Variants in INTS1 observed in about 807,000 individuals in gnomAD.
INTS1 encodes integrator complex subunit 1.
In INTS1, 137 loss-of-function variants were observed where a neutral mutation model predicts 241.6. The observed-to-expected ratio is 0.57, with a 90% confidence interval of 0.49 to 0.65. The LOEUF (loss-of-function observed/expected upper bound fraction) is 0.65, where lower values mean the gene tolerates loss of function less well. Among genes scored for constraint, INTS1 ranks in the 30% least tolerant of loss-of-function variants. INTS1 has a pLI of 0.00. For synonymous variants in INTS1, 1,692 were observed against 1,337.8 expected, an observed-to-expected ratio of 1.26 and a Z score of -5.78; for missense variants, 3,073 against 3,032.2, an observed-to-expected ratio of 1.01 and a Z score of -0.32.
intron 29 of INTS1, 86 bp from the exon 30 acceptor site, chr7:1,480,527 GC>G: frequency 6.9e-7 from 1 of 1,439,536 alleles, no homozygotes; most frequent in Non-Finnish European, 9.4e-7. Flanking sequence ...GGCGAGTCCT[GC>G]CCGGGGACTG....
intron 14 of INTS1, 113 bp downstream of exon 14, chr7:1,494,703 G>A (rs1782758906): frequency 1.0e-6 from 1 of 1,004,658 alleles, no homozygotes; most frequent in South Asian, 1.4e-5. Context: ...ATGGTGCTGT[G>A]ACCATGGGAA....
At chr7:1,487,186 A>G in intron 20 of INTS1, 85 bp from the exon 21 acceptor site, 1 of 1,512,426 alleles carries the variant, frequency 6.6e-7, no homozygotes, top group Non-Finnish European at 8.9e-7. Context: ...GGAGCCGGAA[A>G]GGGCGACACG....
Position 1,482,537 on chromosome 7 carries a change from G to A in INTS1, c.3703+9C>T, listed in dbSNP as rs1287008406. 12 of 1,602,430 alleles carry A rather than the reference G, an allele frequency of 7.5e-6. No individual in the cohort carries two copies. Among genetic ancestry groups the A allele is most frequent in the Non-Finnish European group, 1.0e-5 (12 of 1,172,854 alleles). On this transcript the variant is annotated intron_variant, in intron 27 of 47. Coordinates refer to ENST00000404767, the MANE Select transcript of INTS1 (RefSeq NM_001080453.3). ...AGCAGCCCCTGCCCAAGCCCAGCCT[G>A]GACCGTACCGGCGTCCACCAGGCGG...
chr7:1,476,471 G>C lies in INTS1; in HGVS notation c.5152-16C>G, dbSNP rs1305303936. Reference sequence around the variant, plus strand: ...CCCGCCGCTTCTGTAACGGGTGCCTGCATCAGCCCCGGAGCACCACCGCCT... The same window carrying C: ...CCCGCCGCTTCTGTAACGGGTGCCTCCATCAGCCCCGGAGCACCACCGCCT... On this transcript the variant is annotated splice_polypyrimidine_tract_variant and intron_variant, in intron 37 of 47. Coordinates refer to ENST00000404767, the MANE Select transcript of INTS1 (RefSeq NM_001080453.3). 4 of 1,437,080 alleles carry C rather than the reference G, an allele frequency of 2.8e-6. No individual in the cohort carries two copies. The highest frequency in any genetic ancestry group is 3.3e-5 in the East Asian group (1 of 29,960). 89.0% of individuals were successfully genotyped at this position (1,437,080 alleles called of 1,614,324 possible). A position where few individuals can be genotyped will look rare whatever the true frequency, so the allele number is the denominator to read the frequency against.
At chr7:1,473,000 T>G (rs1048091304) in intron 43 of INTS1, 72 bp downstream of exon 43, 62 of 1,017,120 alleles carry the variant, frequency 6.1e-5, no homozygotes, top group Non-Finnish European at 8.4e-5. Context: ...GGGCTGGCTG[T>G]GCGCTGGGAA....
At chr7:1,487,654 C>T (rs1001111273) in intron 19 of INTS1, 106 bp downstream of exon 19, 13 of 1,419,560 alleles carry the variant, frequency 9.2e-6, no homozygotes, top group South Asian at 4.7e-5. Flanking sequence ...CAGGTTCTGC[C>T]GCAGTGCGGT....
rs930773608 is a variant in INTS1 at position 1,481,985 on chromosome 7, CA to C, written c.3704-498del. ...GCTGTGACTATCTTCTCTCAGTGCT[CA>C]GGGCGCTCTTGCCCCGAAGCCATCG... On this transcript the variant is annotated intron_variant, in intron 27 of 47. Transcript: ENST00000404767. This position sits in a 1 kb window ranked among gnomAD's most constrained non-coding sequence, Gnocchi z 6.8. Among the ~76,000 whole-genome samples, 2 of 152,174 alleles carry C rather than the reference CA, an allele frequency of 1.3e-5. No homozygotes were observed. Among genetic ancestry groups the C allele is most frequent in the African/African-American group, 4.8e-5 (2 of 41,450 alleles).
At chr7:1,476,179 C>T in intron 38 of INTS1, 50 bp downstream of exon 38, 7 of 1,531,156 alleles carry the variant, frequency 4.6e-6, no homozygotes, top group Non-Finnish European at 5.3e-6. Flanking sequence ...GCCTCGACCC[C>T]CTCCATGGCT....
Position 1,496,154 on chromosome 7 carries a change from ACTC to A in INTS1, c.1710_1711+1del. On this transcript the variant is annotated splice_donor_variant and coding_sequence_variant, in exon 12 of 48. Coordinates refer to ENST00000404767, the MANE Select transcript of INTS1 (RefSeq NM_001080453.3). LOFTEE classifies it high-confidence loss of function. ...AGGGCCAGGCCACCCCCACATCCTT[ACTC>A]CTCTTTTCTCCTTTGTCCCAGGCGA... 1 of 1,611,854 alleles carries A rather than the reference ACTC, an allele frequency of 6.2e-7. No individual in the cohort carries two copies. Among genetic ancestry groups the A allele is most frequent in the Non-Finnish European group, 8.5e-7 (1 of 1,178,558 alleles).
At position 1,500,215 on chromosome 7, in the gene INTS1, C is replaced by T; in HGVS notation, c.501G>A (p.Leu167=). 1 of 1,603,990 alleles carries T rather than the reference C, an allele frequency of 6.2e-7. No individual in the cohort carries two copies. The highest frequency in any genetic ancestry group is 1.1e-5 in the South Asian group (1 of 89,792). ...DSTLYLSLMY[L]AKIKPNIFAT... ...CGAAGATGTTGGGCTTGATCTTGGC[C>T]AGGTACATGAGGCTCAGGTAGAGGG... The change falls in exon 4 of 48, where the codon CTG becomes CTA. Residue 167 remains leucine (L), a synonymous_variant. Transcript: ENST00000404767.
At chr7:1,480,185 G>A (rs1022794595) in intron 30 of INTS1, 132 bp downstream of exon 30, 19 of 1,068,094 alleles carry the variant, frequency 1.8e-5, no homozygotes, top group Middle Eastern at 3.1e-4. Flanking sequence ...TGTAAAGGCC[G>A]CTGTGCGTGT....
chr7:1,495,215 C>T (rs1170473221), intron 13 of INTS1, among the ~76,000 whole-genome samples: 1 of 152,266 alleles, frequency 6.6e-6, no homozygotes, highest in Non-Finnish European at 1.5e-5. Flanking sequence ...CACAGGGTGA[C>T]CTGCCTGGAG....
chr7:1,489,615 C>A lies in INTS1; in HGVS notation c.2233G>T (p.Ala745Ser). The A allele has an allele frequency of 6.3e-7, 1 of 1,587,742 alleles. No homozygotes were observed. The highest frequency in any genetic ancestry group is 8.6e-7 in the Non-Finnish European group (1 of 1,165,662). ...CCGATGTTCTCTGGGTTGAATGCGG[C>A]GACGACCAGCAGGAGGGGCCAGGCC... is the stretch of plus-strand genomic sequence containing the variant. ...WKAWPLLLVV[A>S]AFNPENIGLA... Residue 745 changes from alanine (A) to serine (S), a missense_variant, in exon 17 of 48, where the codon GCC (alanine) becomes TCC (serine). Coordinates refer to ENST00000404767, the MANE Select transcript of INTS1 (RefSeq NM_001080453.3).
At position 1,493,414 on chromosome 7, in the gene INTS1, C is replaced by G. The variant is rs886862433; in HGVS notation, c.2069-308G>C. On this transcript the variant is annotated intron_variant, in intron 15 of 47. Coordinates refer to ENST00000404767, the MANE Select transcript of INTS1 (RefSeq NM_001080453.3). The surrounding 1 kb of genome is among the most constrained non-coding windows in gnomAD (Gnocchi z 5.3). ...CAAGCCCTCGGGGCAGAGCCACGGACGAGGCGCGAGCTGGATTTACAATCA... is the reference window on the plus strand; with the variant it reads ...CAAGCCCTCGGGGCAGAGCCACGGAGGAGGCGCGAGCTGGATTTACAATCA... 1.3e-5 allele frequency among the ~76,000 whole-genome samples: 2 copies of G among 152,082 alleles called. No homozygotes were observed. Among genetic ancestry groups the G allele is most frequent in the Admixed American group, 1.3e-4 (2 of 15,278 alleles).
Position 1,497,306 on chromosome 7 carries a change from G to A in INTS1, c.1434C>T (p.Ala478=). The A allele has an allele frequency of 1.9e-6, 3 of 1,612,524 alleles. No homozygotes were observed. The highest frequency in any genetic ancestry group is 2.5e-6 in the Non-Finnish European group (3 of 1,179,376). The change falls in exon 11 of 48, where the codon GCC becomes GCT. Residue 478 remains alanine, a synonymous_variant. Transcript: ENST00000404767. The surrounding 1 kb of genome is among the most constrained non-coding windows in gnomAD (Gnocchi z 5.3). ...TGGTCAGCAGGTCCTGGAACACCAT[G>A]GCCAGGAACTGGGGCAGAGAGAGGC... The part of the protein sequence containing the change: ...HSSELAPKFL[A]MVFQDLLTNK...
intron 16 of INTS1, among the ~76,000 whole-genome samples, chr7:1,490,274 C>G (rs1782482942): frequency 6.6e-6 from 1 of 152,094 alleles, no homozygotes; most frequent in Non-Finnish European, 1.5e-5. Flanking sequence ...GACCAAAACT[C>G]CAAACGCTAC....
intron 40 of INTS1, 114 bp from the exon 41 acceptor site, chr7:1,474,474 C>CT: frequency 9.8e-7 from 1 of 1,016,834 alleles, no homozygotes; most frequent in Non-Finnish European, 1.4e-6. Context: ...GCCCCCCAAC[C>CT]ACCCTCCTGC....
In INTS1 at chr7:1,477,947, G is replaced by A. The variant is rs1200921896; in HGVS notation, c.4631-11C>T. Reference sequence around the variant, plus strand: ...TCAGCCCCTGGAGGACTGCGCAAGGGACAAAGAGACATGTGGGTCACTCCC... The same window carrying A: ...TCAGCCCCTGGAGGACTGCGCAAGGAACAAAGAGACATGTGGGTCACTCCC... On this transcript the variant is annotated splice_polypyrimidine_tract_variant and intron_variant, in intron 33 of 47. Coordinates refer to ENST00000404767, the MANE Select transcript of INTS1 (RefSeq NM_001080453.3). 6.2e-7 allele frequency: 1 copy of A among 1,611,434 alleles called. No homozygotes were observed.
chr7:1,476,179 C>A, intron 38 of INTS1, 50 bp downstream of exon 38: 1 of 1,531,156 alleles, frequency 6.5e-7, no homozygotes, highest in Non-Finnish European at 8.8e-7. Context: ...GCCTCGACCC[C>A]CTCCATGGCT....
Sources: gnomAD v4.1 joint callset for allele counts (sites outside exome capture counted in the v4.1 genomes callset) on GRCh38, gnomAD v4.1.1 for gene constraint, Gnocchi (gnomAD v3.1) non-coding constraint, MANE v1.5 for transcripts, NCBI Gene and HGNC (gene_info 2026-07-23, HGNC 2026-07-21) for gene names.